Variants in CEMIP observed in about 807,000 individuals in gnomAD.
The protein encoded by CEMIP is cell migration inducing hyaluronidase 1.
In CEMIP, 105 loss-of-function variants were observed where a neutral mutation model predicts 156.9. That is an observed-to-expected ratio of 0.67 (90% CI 0.57 to 0.79). The LOEUF is 0.79. Ranked by LOEUF, CEMIP falls within the 30% of genes least tolerant of loss-of-function variation. CEMIP has a pLI of 0.00. For missense variants in CEMIP, 1,457 were observed against 1,769.4 expected, an observed-to-expected ratio of 0.82 and a Z score of 3.17; for synonymous variants, 676 against 668.4, an observed-to-expected ratio of 1.01 and a Z score of -0.17.
At chr15:80,877,872 A>G (rs943287014) in intron 3 of CEMIP, among the ~76,000 whole-genome samples, 2 of 152,264 alleles carry the variant, frequency 1.3e-5, no homozygotes, top group Non-Finnish European at 2.9e-5. Context: ...CACAGATGCC[A>G]TCAGAGCAGC....
chr15:80,873,903 C>G lies in CEMIP; in HGVS notation c.24C>G (p.Asp8Glu). The change falls in exon 3 of 30, where the codon GAC becomes GAG. Residue 8 changes from aspartate to glutamate, a missense_variant. By Grantham distance (45) the Asp-to-Glu change is conservative. This residue lies in a region of CEMIP where 309 missense variants were observed against 340.8 expected (regional missense o/e 0.91). Coordinates refer to ENST00000394685, the MANE Select transcript of CEMIP (RefSeq NM_001293298.2). MGAAGRQDFLFKAMLTIS... is the reference protein window; with the variant it reads MGAAGRQEFLFKAMLTIS... The stretch of plus-strand genomic sequence containing the variant: ...GGATGGGAGCTGCTGGGAGGCAGGA[C>G]TTCCTCTTCAAGGCCATGCTGACCA... The G allele has an allele frequency of 6.3e-7, 1 of 1,580,994 alleles. No individual in the cohort carries two copies. The highest frequency in any genetic ancestry group is 8.6e-7 in the Non-Finnish European group (1 of 1,161,768).
intron 1 of CEMIP, among the ~76,000 whole-genome samples, chr15:80,798,437 G>C (rs956699024): frequency 6.6e-6 from 1 of 151,992 alleles, no homozygotes; most frequent in African/African-American, 2.4e-5. Context: ...ATGATTTCTA[G>C]AAGTATAAGT....
At chr15:80,831,043 G>T (rs532442490) in intron 1 of CEMIP, among the ~76,000 whole-genome samples, 14 of 152,192 alleles carry the variant, frequency 9.2e-5, no homozygotes, top group Non-Finnish European at 1.8e-4. Flanking sequence ...GGCAGTTACC[G>T]TGCTGGGAGA....
chr15:80,932,599 G>A lies in CEMIP; in HGVS notation c.2793+560G>A, dbSNP rs1367907677. Among the ~76,000 whole-genome samples, 1 of 152,146 alleles carries A rather than the reference G, an allele frequency of 6.6e-6. No individual in the cohort carries two copies. Among genetic ancestry groups the A allele is most frequent in the Non-Finnish European group, 1.5e-5 (1 of 68,016 alleles). On this transcript the variant is annotated intron_variant, in intron 22 of 29. Coordinates refer to ENST00000394685, the MANE Select transcript of CEMIP (RefSeq NM_001293298.2). This position sits in a 1 kb window ranked among gnomAD's most constrained non-coding sequence, Gnocchi z 4.5. The stretch of plus-strand genomic sequence containing the variant: ...CTCCTGTGCATTTCCTTCAGGTTAT[G>A]GATTCCCAGACTTTTCCCTCCTTCT...
chr15:80,811,932 G>C lies in CEMIP; in HGVS notation c.-176+32318G>C, dbSNP rs186812188. On this transcript the variant is annotated intron_variant, in intron 1 of 29. Coordinates refer to ENST00000394685, the MANE Select transcript of CEMIP (RefSeq NM_001293298.2). ...AATTTGACAGTTGCTTTGAGTGCCA[G>C]AGAATTTACGTCATTGTGCCTGGGA... 6.4e-4 allele frequency among the ~76,000 whole-genome samples: 98 copies of C among 152,312 alleles called. No homozygotes were observed. In the East Asian group the frequency reaches 0.016, roughly 24 times the overall value.
chr15:80,852,839 T>C (rs752294906), intron 1 of CEMIP, among the ~76,000 whole-genome samples: 1 of 152,164 alleles, frequency 6.6e-6, no homozygotes, highest in Non-Finnish European at 1.5e-5. Context: ...ATTTTCAGCT[T>C]GTCTTTGTTC....
chr15:80,852,765 C>T (rs1897745211), intron 1 of CEMIP, among the ~76,000 whole-genome samples: 1 of 152,154 alleles, frequency 6.6e-6, no homozygotes, highest in African/African-American at 2.4e-5. Flanking sequence ...ATCTCATTTT[C>T]AGTCCTGAAG....
intron 1 of CEMIP, among the ~76,000 whole-genome samples, chr15:80,830,329 A>T (rs1403849033): frequency 1.3e-5 from 2 of 152,238 alleles, no homozygotes; most frequent in African/African-American, 4.8e-5. Context: ...GCAGCCCCTG[A>T]CTGTGAGCAT....
chr15:80,811,250 T>C lies in CEMIP; in HGVS notation c.-176+31636T>C, dbSNP rs572350677. Among the ~76,000 whole-genome samples, 51 of 152,342 alleles carry C rather than the reference T, an allele frequency of 3.3e-4. No homozygotes were observed. In the South Asian group the frequency reaches 0.01, roughly 30 times the overall value. ...GAAAAAAGGTATATAAACTGGCCCTTGGAGGATGACAGTTGTCCATTGCTG... is the reference window on the plus strand; with the variant it reads ...GAAAAAAGGTATATAAACTGGCCCTCGGAGGATGACAGTTGTCCATTGCTG... On this transcript the variant is annotated intron_variant, in intron 1 of 29. Coordinates refer to ENST00000394685, the MANE Select transcript of CEMIP (RefSeq NM_001293298.2).
At chr15:80,810,932 C>T (rs1596105250) in intron 1 of CEMIP, among the ~76,000 whole-genome samples, 1 of 152,318 alleles carries the variant, frequency 6.6e-6, no homozygotes, top group African/African-American at 2.4e-5. Flanking sequence ...TTTCCCCATC[C>T]ATTCGCCTAC....
intron 1 of CEMIP, among the ~76,000 whole-genome samples, chr15:80,857,410 A>C (rs965372472): frequency 2.0e-4 from 30 of 152,196 alleles, no homozygotes; most frequent in African/African-American, 7.0e-4. Context: ...TCTTTGAGGA[A>C]ATTTCATGGC....
intron 19 of CEMIP, among the ~76,000 whole-genome samples, 195 bp from the exon 20 acceptor site, chr15:80,928,707 G>C (rs1014362411): frequency 6.6e-6 from 1 of 152,086 alleles, no homozygotes; most frequent in Admixed American, 6.5e-5. Context: ...GAGTGGGAGG[G>C]GACCCAGAAA....
intron 1 of CEMIP, among the ~76,000 whole-genome samples, chr15:80,817,250 C>T (rs1411665142): frequency 6.6e-6 from 1 of 152,018 alleles, no homozygotes; most frequent in Non-Finnish European, 1.5e-5. Context: ...GAAAGTTGCT[C>T]AAATAATTGG....
intron 25 of CEMIP, among the ~76,000 whole-genome samples, chr15:80,938,757 C>T (rs1226943964): frequency 6.6e-6 from 1 of 152,186 alleles, no homozygotes; most frequent in African/African-American, 2.4e-5. Context: ...ATAATGAAAA[C>T]AGAGTATCTG....
chr15:80,884,026 T>C (rs996950942), intron 6 of CEMIP, 149 bp from the exon 7 acceptor site: 88 of 801,654 alleles, frequency 1.1e-4, no homozygotes, highest in Non-Finnish European at 1.8e-4. Flanking sequence ...ACTTGTTTGC[T>C]CTTTAAAGAA....
intron 3 of CEMIP, among the ~76,000 whole-genome samples, chr15:80,878,037 T>C (rs1476043040): frequency 6.6e-6 from 1 of 152,196 alleles, no homozygotes; most frequent in African/African-American, 2.4e-5. Context: ...AGAAGCCTCA[T>C]GCCCCACTGG....
At chr15:80,863,959 C>T (rs966851867) in intron 1 of CEMIP, among the ~76,000 whole-genome samples, 4 of 152,190 alleles carry the variant, frequency 2.6e-5, no homozygotes, top group Admixed American at 2.6e-4. Flanking sequence ...CTCCCCTCCC[C>T]TCTCTTCTCC....
chr15:80,810,981 A>G (rs140372183), intron 1 of CEMIP, among the ~76,000 whole-genome samples: 1 of 152,166 alleles, frequency 6.6e-6, no homozygotes, highest in East Asian at 1.9e-4. Flanking sequence ...CTATTTACCA[A>G]CCTACCCATC....
chr15:80,923,281 G>C (rs182171709), intron 17 of CEMIP, among the ~76,000 whole-genome samples: 1 of 152,296 alleles, frequency 6.6e-6, no homozygotes, highest in East Asian at 1.9e-4. Flanking sequence ...TTAGTGCCGG[G>C]TAACAGAGAG....
Sources: gnomAD v4.1 joint callset for allele counts (sites outside exome capture counted in the v4.1 genomes callset) on GRCh38, gnomAD v4.1.1 for gene constraint, gnomAD v4.1.1 regional missense constraint, Gnocchi (gnomAD v3.1) non-coding constraint, MANE v1.5 for transcripts, NCBI Gene and HGNC (gene_info 2026-07-23, HGNC 2026-07-21) for gene names.